DLGAP1: variants seen among roughly 807,000 people sequenced by gnomAD.
DLGAP1 encodes disks large-associated protein 1.
In DLGAP1, 11 loss-of-function variants were observed where a neutral mutation model predicts 90.8. That is an observed-to-expected ratio of 0.12 (90% CI 0.08 to 0.20). The LOEUF (loss-of-function observed/expected upper bound fraction) is 0.20. Ranked by LOEUF, DLGAP1 falls within the 10% of genes least tolerant of loss-of-function variation. The pLI is 1.00. For synonymous variants in DLGAP1, 558 were observed against 540.7 expected, an observed-to-expected ratio of 1.03 and a Z score of -0.44; for missense variants, 1,050 against 1,333.8, an observed-to-expected ratio of 0.79 and a Z score of 3.31.
chr18:3,580,620 C>A (rs2055438578), intron 8 of DLGAP1: 17 of 1,590,978 alleles, frequency 1.1e-5, no homozygotes. Flanking sequence ...GAAGAATGTG[C>A]CGGTGAGCCT....
rs753212058 is a variant in DLGAP1, at chr18:3,879,367, C to T, written c.702G>A (p.Gln234=). The T allele has an allele frequency of 6.2e-7, 1 of 1,613,326 alleles. No homozygotes were observed. The highest frequency in any genetic ancestry group is 8.5e-7 in the Non-Finnish European group (1 of 1,179,766). The change falls in exon 4 of 13, where the codon CAG becomes CAA. Residue 234 remains glutamine, a synonymous_variant. Coordinates refer to ENST00000315677, the MANE Select transcript of DLGAP1 (RefSeq NM_004746.4). The surrounding 1 kb of genome is among the most constrained non-coding windows in gnomAD (Gnocchi z 6.6). ...MGRCPDRSAS[Q]YFLEAYNTIS... ...TGGTGTTGTAGGCCTCCAGGAAGTA[C>T]TGTGAGGCCGAGCGGTCGGGGCACC...
chr18:3,715,376 T>C (rs549446201), intron 7 of DLGAP1, among the ~76,000 whole-genome samples: 2 of 152,346 alleles, frequency 1.3e-5, no homozygotes, highest in African/African-American at 2.4e-5. Context: ...GCTAACTCAG[T>C]AGCACTATTC....
chr18:4,071,795 C>T (rs2075450976), intron 2 of DLGAP1, among the ~76,000 whole-genome samples: 1 of 152,152 alleles, frequency 6.6e-6, no homozygotes, highest in African/African-American at 2.4e-5. Context: ...TGCAGCCTGT[C>T]ATTATGATTT....
At chr18:3,956,589 C>A (rs972505130) in intron 3 of DLGAP1, among the ~76,000 whole-genome samples, 2 of 152,094 alleles carry the variant, frequency 1.3e-5, no homozygotes, top group African/African-American at 4.8e-5. Context: ...ACCTCGTGAT[C>A]CACCCGCCTT....
At chr18:3,540,870 T>C (rs2052654178) in intron 9 of DLGAP1, among the ~76,000 whole-genome samples, 1 of 152,172 alleles carries the variant, frequency 6.6e-6, no homozygotes, top group African/African-American at 2.4e-5. Flanking sequence ...TAGAAAATAA[T>C]GAGAGTGGAC....
chr18:4,406,695 G>A (rs1051280889), intron 1 of DLGAP1, among the ~76,000 whole-genome samples: 9 of 152,122 alleles, frequency 5.9e-5, no homozygotes, highest in African/African-American at 2.2e-4. Flanking sequence ...TATTGGGAGT[G>A]GTTGTGTCAG....
chr18:4,436,472 T>C (rs1567921382), intron 1 of DLGAP1, among the ~76,000 whole-genome samples: 1 of 152,216 alleles, frequency 6.6e-6, no homozygotes, highest in Non-Finnish European at 1.5e-5. Context: ...GCGATGTTGC[T>C]GGTCCAGAAC....
intron 2 of DLGAP1, among the ~76,000 whole-genome samples, chr18:4,019,716 A>G (rs16945888): frequency 0.22 from 34,019 of 152,112 alleles, 4,076 homozygotes; most frequent in Non-Finnish European, 0.28. Context: ...TTAAGTAGAT[A>G]CTTCTTCTGT....
intron 2 of DLGAP1, among the ~76,000 whole-genome samples, chr18:4,020,607 C>A (rs1201238033): frequency 6.6e-6 from 1 of 152,166 alleles, no homozygotes; most frequent in Non-Finnish European, 1.5e-5. Context: ...GAGACCTGAC[C>A]TAACCAACTC....
At chr18:3,561,720 T>G (rs886632996) in intron 9 of DLGAP1, among the ~76,000 whole-genome samples, 1 of 151,032 alleles carries the variant, frequency 6.6e-6, no homozygotes, top group East Asian at 1.9e-4. Flanking sequence ...AAGTTGGATA[T>G]ACTTCTTTCA....
chr18:3,845,797 C>T (rs1231665047), intron 4 of DLGAP1, among the ~76,000 whole-genome samples: 2 of 152,146 alleles, frequency 1.3e-5, no homozygotes, highest in African/African-American at 2.4e-5. Flanking sequence ...TGCACATGCA[C>T]AAATTGGATA....
chr18:3,586,927 C>G (rs988456349), intron 7 of DLGAP1, among the ~76,000 whole-genome samples: 2 of 152,046 alleles, frequency 1.3e-5, no homozygotes, highest in African/African-American at 4.8e-5. Flanking sequence ...AAGAGTGAGA[C>G]TGAAGGAGGG....
intron 1 of DLGAP1, among the ~76,000 whole-genome samples, chr18:4,348,941 T>C (rs1017573801): frequency 2.0e-5 from 3 of 152,126 alleles, no homozygotes; most frequent in African/African-American, 7.2e-5. Flanking sequence ...TAGAAAATCA[T>C]CATCTCACAA....
chr18:3,929,723 T>C (rs536305100), intron 3 of DLGAP1, among the ~76,000 whole-genome samples: 1 of 152,320 alleles, frequency 6.6e-6, no homozygotes, highest in East Asian at 1.9e-4. Context: ...TACAACCAAA[T>C]TTATTTCTCC....
At chr18:3,640,822 T>C (rs1330316761) in intron 7 of DLGAP1, among the ~76,000 whole-genome samples, 2 of 152,242 alleles carry the variant, frequency 1.3e-5, no homozygotes, top group Non-Finnish European at 2.9e-5. Context: ...ACAAGTACTA[T>C]CACCATTTAT....
At chr18:3,576,262 C>CT (rs1310824538) in intron 8 of DLGAP1, among the ~76,000 whole-genome samples, 177 of 142,804 alleles carry the variant, frequency 1.2e-3, no homozygotes, top group East Asian at 3.6e-3. Flanking sequence ...CCTCCAACTC[C>CT]TTTTTTTTTT....
intron 1 of DLGAP1, among the ~76,000 whole-genome samples, chr18:4,178,282 C>G (rs750220162): frequency 6.6e-6 from 1 of 151,056 alleles, no homozygotes; most frequent in Non-Finnish European, 1.5e-5. Flanking sequence ...CCATATGTTG[C>G]CCAAGCTGAA....
At chr18:3,955,574 T>TGTG (rs2073068136) in intron 3 of DLGAP1, among the ~76,000 whole-genome samples, 2 of 151,960 alleles carry the variant, frequency 1.3e-5, no homozygotes, top group African/African-American at 4.8e-5. Context: ...ATCAGCCGGA[T>TGTG]GTGGTGGTGC....
intron 7 of DLGAP1, among the ~76,000 whole-genome samples, chr18:3,599,965 G>C (rs1350824621): frequency 6.6e-6 from 1 of 151,612 alleles, no homozygotes; most frequent in African/African-American, 2.4e-5. Flanking sequence ...TGTTGCCAGG[G>C]CTGGAGTGCA....
Sources: allele counts gnomAD v4.1 joint callset (sites outside exome capture counted in the v4.1 genomes callset), GRCh38; gene constraint gnomAD v4.1.1; non-coding constraint Gnocchi (gnomAD v3.1); transcripts MANE v1.5; gene names NCBI Gene and HGNC (gene_info 2026-07-23, HGNC 2026-07-21).